KCNA6: variants seen among roughly 807,000 people sequenced by gnomAD.
KCNA6 encodes human brain potassium channel-2.
KCNA6 carries 17 observed loss-of-function variants against 29.5 expected under a neutral mutation model. The observed-to-expected ratio is 0.58, with a 90% CI of 0.39 to 0.86. The LOEUF is 0.86. KCNA6 is among the 40% of genes least tolerant of loss of function. The pLI, the probability that KCNA6 is intolerant of heterozygous loss-of-function variation, is 0.00. For synonymous variants in KCNA6, 296 were observed against 304.7 expected (o/e 0.97, Z 0.30); for missense variants, 450 against 703.4 (o/e 0.64, Z 4.07).
the KCNA6 span, among the ~76,000 whole-genome samples, chr12:4,824,126 T>C: frequency 2.3e-4 from 35 of 152,282 alleles, no homozygotes; most frequent in South Asian, 8.3e-4. Context: ...ACATCCCTCA[T>C]GGTGGCCAGT....
chr12:4,835,068 T>A, the KCNA6 span, among the ~76,000 whole-genome samples: 42 of 144,526 alleles, frequency 2.9e-4, no homozygotes, highest in East Asian at 6.7e-3. Flanking sequence ...ATTCTTGGAG[T>A]CTATATAGGA....
chr12:4,819,147 A>G, the KCNA6 span, among the ~76,000 whole-genome samples: 1 of 152,302 alleles, frequency 6.6e-6, no homozygotes, highest in East Asian at 1.9e-4. Context: ...TATATTCTAT[A>G]TGTGTGTAGC....
chr12:4,825,276 G>C, the KCNA6 span, among the ~76,000 whole-genome samples: 1 of 152,182 alleles, frequency 6.6e-6, no homozygotes, highest in Non-Finnish European at 1.5e-5. Context: ...CATGGAGAAA[G>C]AATCCCCAGG....
At chr12:4,828,716 A>G in the KCNA6 span, among the ~76,000 whole-genome samples, 1 of 152,160 alleles carries the variant, frequency 6.6e-6, no homozygotes, top group African/African-American at 2.4e-5. Context: ...TAGCTTGCCC[A>G]GAGTCACACA....
At chr12:4,848,403 G>A in the KCNA6 span, among the ~76,000 whole-genome samples, 9 of 151,340 alleles carry the variant, frequency 5.9e-5, no homozygotes, top group African/African-American at 1.9e-4. Flanking sequence ...CTGCAAATTG[G>A]CTTTTAATAT....
At chr12:4,816,146 C>T (rs1000868110), downstream of KCNA6, among the ~76,000 whole-genome samples, 1 of 152,054 alleles carries the variant, frequency 6.6e-6, no homozygotes, top group African/African-American at 2.4e-5. Flanking sequence ...ATGGACCAGA[C>T]AATATCTAGA....
Position 4,811,374 on chromosome 12 carries a change from G to T in KCNA6, c.1333G>T (p.Ala445Ser). Residue 445 changes from alanine (A) to serine (S), a missense_variant, in exon 1 of 1, where the codon GCT becomes TCT. Transcript: ENST00000280684. This position sits in a 1 kb window ranked among gnomAD's most constrained non-coding sequence, Gnocchi z 7.1. ...GATCGTGGGCTCGCTGTGTGCCATC[G>T]CTGGGGTCCTCACCATTGCCCTGCC... 1 of 1,614,116 alleles carries T rather than the reference G, an allele frequency of 6.2e-7. No individual in the cohort carries two copies. The highest frequency in any genetic ancestry group is 8.5e-7 in the Non-Finnish European group (1 of 1,179,996).
chr12:4,817,120 C>T (rs1372064860), downstream of KCNA6, among the ~76,000 whole-genome samples: 1 of 152,226 alleles, frequency 6.6e-6, no homozygotes, highest in Non-Finnish European at 1.5e-5. Context: ...GTGTTATTGC[C>T]ATGGGAAGGA....
rs761966166 is a variant in KCNA6, at chr12:4,810,344, G to A, written c.303G>A (p.Gln101=). ...TCGACGCCATCCTCTACTACTACCA[G>A]TCTGGGGGCCGCCTGCGGAGGCCGG... Residue 101 remains glutamine (Q), a synonymous_variant, in exon 1 of 1, where the codon CAG becomes CAA. Coordinates refer to ENST00000280684, the Ensembl canonical transcript of KCNA6. This position sits in a 1 kb window ranked among gnomAD's most constrained non-coding sequence, Gnocchi z 7.5. The A allele has an allele frequency of 6.2e-7, 1 of 1,614,154 alleles. No homozygotes were observed. Among genetic ancestry groups the A allele is most frequent in the Non-Finnish European group, 8.5e-7 (1 of 1,180,022 alleles).
At position 4,811,681 on chromosome 12, in the gene KCNA6, T is replaced by A. The variant is rs757869202; in HGVS notation, c.*50T>A. ...GGGGAGCACTGAGCTAACAGTCTCTTAGGCTTCCTTCTCATTTCCACTACT... is the reference window on the plus strand; with the variant it reads ...GGGGAGCACTGAGCTAACAGTCTCTAAGGCTTCCTTCTCATTTCCACTACT... On this transcript the variant is annotated 3_prime_UTR_variant, in exon 1 of 1. Transcript: ENST00000280684. This position sits in a 1 kb window ranked among gnomAD's most constrained non-coding sequence, Gnocchi z 7.1. 1 of 1,559,898 alleles carries A rather than the reference T, an allele frequency of 6.4e-7. No individual in the cohort carries two copies. The highest frequency in any genetic ancestry group is 1.2e-5 in the South Asian group (1 of 81,968).
At position 4,810,373 on chromosome 12, in the gene KCNA6, A is replaced by T; in HGVS notation, c.332A>T (p.Asn111Ile). The T allele has an allele frequency of 1.2e-6, 2 of 1,614,138 alleles. No homozygotes were observed. Among genetic ancestry groups the T allele is most frequent in the South Asian group, 1.1e-5 (1 of 91,082 alleles). Reference sequence around the variant, plus strand: ...GGGGGCCGCCTGCGGAGGCCGGTCAACGTGCCCCTGGACATTTTCCTGGAG... The same window carrying T: ...GGGGGCCGCCTGCGGAGGCCGGTCATCGTGCCCCTGGACATTTTCCTGGAG... The change falls in exon 1 of 1, where the codon AAC (asparagine) becomes ATC (isoleucine). Residue 111 changes from asparagine (N) to isoleucine (I), a missense_variant. Physicochemically the swap from Asn to Ile is moderately radical, Grantham distance 149 (BLOSUM62 -3). This residue lies in a region of KCNA6 where 133 missense variants were observed against 217.5 expected (regional missense o/e 0.61). Transcript: ENST00000280684. The surrounding 1 kb of genome is among the most constrained non-coding windows in gnomAD (Gnocchi z 7.5).
At chr12:4,848,882 G>A in the KCNA6 span, among the ~76,000 whole-genome samples, 2 of 152,102 alleles carry the variant, frequency 1.3e-5, no homozygotes, top group Non-Finnish European at 2.9e-5. Context: ...TTGGGAGGCG[G>A]AGGCAGGCGG....
chr12:4,827,199 T>TCCCC, the KCNA6 span, among the ~76,000 whole-genome samples: 1 of 54,420 alleles, frequency 1.8e-5, no homozygotes, highest in Non-Finnish European at 3.5e-5. Flanking sequence ...CTTCCTTCCT[T>TCCCC]CCTTCCCTCC....
the KCNA6 span, among the ~76,000 whole-genome samples, chr12:4,825,992 C>A: frequency 6.6e-6 from 1 of 152,212 alleles, no homozygotes; most frequent in Non-Finnish European, 1.5e-5. Flanking sequence ...TACTCACTAT[C>A]CTATTTATGA....
chr12:4,815,064 T>G (rs1206433116), downstream of KCNA6, among the ~76,000 whole-genome samples: 1 of 152,246 alleles, frequency 6.6e-6, no homozygotes, highest in Non-Finnish European at 1.5e-5. Context: ...CTTTTCATTC[T>G]TACTGTCTCT....
rs1946616231 is a variant in KCNA6 at position 4,810,488 on chromosome 12, G to A, written c.447G>A (p.Lys149=). The change falls in exon 1 of 1, where the codon AAG becomes AAA. Residue 149 remains lysine (K), a synonymous_variant. Transcript: ENST00000280684. This position sits in a 1 kb window ranked among gnomAD's most constrained non-coding sequence, Gnocchi z 7.5. ...TGCCCGAAGGTGGCGAGGACGAGAA[G>A]CCGCTGCCCTCCCAGCCCTTCCAGC... The A allele has an allele frequency of 6.2e-7, 1 of 1,614,064 alleles. No individual in the cohort carries two copies. The highest frequency in any genetic ancestry group is 1.1e-5 in the South Asian group (1 of 91,088).
rs1946617531 is a variant in KCNA6, at chr12:4,810,556, C to T, written c.515C>T (p.Pro172Leu). ...TTTGAGTACCCAGAGAGCTCTGGGC[C>T]GGCCAGGGGCATCGCCATCGTCTCC... Residue 172 changes from proline (P) to leucine (L), a missense_variant, in exon 1 of 1, where the codon CCG becomes CTG. By Grantham distance (98) the Pro-to-Leu change is moderately conservative (BLOSUM62 -3). Around this residue, in one of 7 missense-constraint regions of KCNA6, gnomAD observed 133 missense variants for 217.5 expected, o/e 0.61. Transcript: ENST00000280684. This position sits in a 1 kb window ranked among gnomAD's most constrained non-coding sequence, Gnocchi z 7.5. 4 of 1,614,166 alleles carry T rather than the reference C, an allele frequency of 2.5e-6. No individual in the cohort carries two copies. The highest frequency in any genetic ancestry group is 3.4e-6 in the Non-Finnish European group (4 of 1,180,030).
chr12:4,831,357 A>G, the KCNA6 span, among the ~76,000 whole-genome samples: 1 of 152,160 alleles, frequency 6.6e-6, no homozygotes. Context: ...ATCACCCACA[A>G]GCAGCCAGCC....
chr12:4,827,286 C>T, the KCNA6 span, among the ~76,000 whole-genome samples: 1 of 151,478 alleles, frequency 6.6e-6, no homozygotes, highest in Admixed American at 6.6e-5. Context: ...CTCCTTCCCT[C>T]CTTCCTTTCT....
Sources: gnomAD v4.1 joint callset for allele counts (sites outside exome capture counted in the v4.1 genomes callset) on GRCh38, gnomAD v4.1.1 for gene constraint, gnomAD v4.1.1 regional missense constraint, Gnocchi (gnomAD v3.1) non-coding constraint, MANE v1.5 for transcripts, NCBI Gene and HGNC (gene_info 2026-07-23, HGNC 2026-07-21) for gene names.